CUBN: variants seen among roughly 807,000 people sequenced by gnomAD.
CUBN encodes cubilin.
A neutral mutation model predicts 405.3 loss-of-function variants in CUBN; 282 were observed. That is an observed-to-expected ratio of 0.70 (90% confidence interval 0.63 to 0.77). CUBN has a LOEUF of 0.77. Among genes scored for constraint, CUBN ranks in the 30% least tolerant of loss-of-function variants. The probability of loss-of-function intolerance (pLI) is 0.00; values close to 1 mark genes in which losing one functional copy is unlikely to be tolerated. For missense variants in CUBN, 4,514 were observed against 4,475.2 expected, an observed-to-expected ratio of 1.01 and a Z score of -0.25; for synonymous variants, 1,684 against 1,617.0, an observed-to-expected ratio of 1.04 and a Z score of -0.99.
intron 27 of CUBN, among the ~76,000 whole-genome samples, chr10:17,030,222 G>A (rs1040772266): frequency 6.6e-6 from 1 of 152,106 alleles, no homozygotes; most frequent in African/African-American, 2.4e-5. Context: ...TACAATGTAA[G>A]ACTAATGGAA....
Position 17,129,172 on chromosome 10 carries a change from G to A in CUBN, c.201C>T (p.Ser67=), listed in dbSNP as rs1224760742. Residue 67 remains serine (S), a synonymous_variant, in exon 2 of 67, where the codon TCC becomes TCT. Coordinates refer to ENST00000377833, the MANE Select transcript of CUBN (RefSeq NM_001081.4). ...CATCATTTAATTTAATTTTTCCCAG[G>A]GATCCGGTTCTAAACTCAATGTTTT... The part of the protein sequence containing the change: ...SAQNIEFRTG[S]LGKIKLNDED... The A allele has an allele frequency of 6.8e-6, 11 of 1,613,220 alleles. No individual in the cohort carries two copies. Among genetic ancestry groups the A allele is most frequent in the African/African-American group, 1.3e-5 (1 of 74,916 alleles).
intron 37 of CUBN, among the ~76,000 whole-genome samples, 165 bp downstream of exon 37, chr10:16,939,867 T>C (rs1048139304): frequency 1.3e-5 from 2 of 152,222 alleles, no homozygotes; most frequent in African/African-American, 2.4e-5. Flanking sequence ...GCCATTCATA[T>C]GCAATTCAGT....
chr10:17,092,992 G>A (rs1216997577), intron 14 of CUBN, among the ~76,000 whole-genome samples: 1 of 152,114 alleles, frequency 6.6e-6, no homozygotes, highest in African/African-American at 2.4e-5. Context: ...CAGGCATTGA[G>A]AACAAACAGC....
At chr10:16,944,115 A>G (rs1367164158) in intron 36 of CUBN, among the ~76,000 whole-genome samples, 1 of 152,220 alleles carries the variant, frequency 6.6e-6, no homozygotes, top group African/African-American at 2.4e-5. Flanking sequence ...AGCACTCTGC[A>G]AGTATAAAAT....
chr10:16,954,990 G>C (rs568171839), intron 31 of CUBN, among the ~76,000 whole-genome samples: 1 of 152,180 alleles, frequency 6.6e-6, no homozygotes. Context: ...CATAAGTTTC[G>C]TGATAGGGTA....
rs1262008928 is a variant in CUBN at position 17,038,809 on chromosome 10, G to T, written c.4017+2224C>A. Among the ~76,000 whole-genome samples the T allele has an allele frequency of 2.0e-5, 3 of 152,206 alleles. No individual in the cohort carries two copies. The East Asian group carries it at 5.8e-4, about 29-fold the overall frequency. ...GATGGAAAACAATCTCCTCCCTCTG[G>T]CAACAGCGCCGTTTTTTTGGAAGGC... On this transcript the variant is annotated intron_variant, in intron 27 of 66. Transcript: ENST00000377833.
chr10:16,937,459 A>T, intron 39 of CUBN, 133 bp downstream of exon 39: 1 of 722,902 alleles, frequency 1.4e-6, no homozygotes, highest in Non-Finnish European at 2.4e-6. Flanking sequence ...TTAAAACAAC[A>T]TCTGAACATA....
intron 27 of CUBN, among the ~76,000 whole-genome samples, chr10:17,020,444 A>G (rs1834461172): frequency 6.6e-6 from 1 of 152,252 alleles, no homozygotes; most frequent in South Asian, 2.1e-4. Flanking sequence ...TGCAATGTAT[A>G]ATAATCACAT....
chr10:17,109,235 C>T (rs1836710894), intron 10 of CUBN, among the ~76,000 whole-genome samples: 1 of 152,108 alleles, frequency 6.6e-6, no homozygotes, highest in African/African-American at 2.4e-5. Flanking sequence ...TTCTGAACTC[C>T]TTATTTCAGC....
At chr10:16,942,688 A>G (rs1397156109) in intron 36 of CUBN, among the ~76,000 whole-genome samples, 1 of 152,194 alleles carries the variant, frequency 6.6e-6, no homozygotes. Context: ...AAAGTTAAAC[A>G]TAGTATTATC....
In CUBN at chr10:17,084,387, T is replaced by G. The variant is rs1195459208; in HGVS notation, c.2185A>C (p.Thr729Pro). ...ATATAGACGCATTGCCTGGTGTGAG[T>G]GAAAGGCCCAGACAACTCAGGCAAG... ...LFLPELSGPF[T>P]HTRQCVYMMK... The change falls in exon 17 of 67, where the codon ACT (threonine) becomes CCT (proline). Residue 729 changes from threonine to proline, a missense_variant. This residue lies in a region of CUBN where 1,448 missense variants were observed against 1,388.0 expected (regional missense o/e 1.04). Transcript: ENST00000377833. 1.2e-6 allele frequency: 2 copies of G among 1,614,076 alleles called. No individual in the cohort carries two copies.
At chr10:16,910,898 G>A (rs1019710298) in intron 48 of CUBN, among the ~76,000 whole-genome samples, 3 of 151,986 alleles carry the variant, frequency 2.0e-5, no homozygotes, top group African/African-American at 4.8e-5. Context: ...TTGGGGAGCC[G>A]CAAGAGGGTA....
rs189297782 is a variant in CUBN, at chr10:16,884,048, T to C, written c.8905+4369A>G. On this transcript the variant is annotated intron_variant, in intron 56 of 66. Coordinates refer to ENST00000377833, the MANE Select transcript of CUBN (RefSeq NM_001081.4). ...AGGCTGGAGGGCAGTAGCGCAATCT[T>C]GGCTCACTGCAAGCTCCGCCTCCCG... is the stretch of plus-strand genomic sequence containing the variant. 1.8e-4 allele frequency among the ~76,000 whole-genome samples: 28 copies of C among 152,304 alleles called. No individual in the cohort carries two copies. The East Asian group carries it at 5.4e-3, about 29-fold the overall frequency.
At chr10:16,954,310 A>G (rs996784160) in intron 32 of CUBN, 79 bp downstream of exon 32, 209 of 1,500,170 alleles carry the variant, frequency 1.4e-4, no homozygotes, top group Non-Finnish European at 1.8e-4. Flanking sequence ...ATTTCTGAGC[A>G]CAGGTCTCAT....
chr10:16,884,078 C>A (rs12260328), intron 56 of CUBN, among the ~76,000 whole-genome samples: 8,558 of 152,206 alleles, frequency 0.056, 725 homozygotes, highest in African/African-American at 0.19. Flanking sequence ...CTCCCGGGTT[C>A]ACGCCATTCT....
chr10:17,103,022 G>T, intron 13 of CUBN, 103 bp downstream of exon 13: 1 of 779,368 alleles, frequency 1.3e-6, no homozygotes, highest in Non-Finnish European at 2.2e-6. Context: ...ATATATGATA[G>T]TTGAATTATC....
intron 59 of CUBN, among the ~76,000 whole-genome samples, chr10:16,868,033 T>C (rs73592315): frequency 0.033 from 5,095 of 152,222 alleles, 257 homozygotes; most frequent in African/African-American, 0.12. Context: ...CAAGAATATA[T>C]CCCTTTTTTG....
Position 16,952,370 on chromosome 10 carries a change from G to A in CUBN, c.4875C>T (p.Leu1625=), listed in dbSNP as rs575272644. Residue 1625 remains leucine (L), a synonymous_variant, in exon 33 of 67, where the codon CTC becomes CTT. Coordinates refer to ENST00000377833, the MANE Select transcript of CUBN (RefSeq NM_001081.4). Reference sequence around the variant, plus strand: ...AGGAAACAGTATCAAATGAGCTGGTGAGGATGTGGCCTCCGCAGGCTGGGG... The same window carrying A: ...AGGAAACAGTATCAAATGAGCTGGTAAGGATGTGGCCTCCGCAGGCTGGGG... ...QFRQACGGHI[L]TSSFDTVSSP... 2.5e-6 allele frequency: 4 copies of A among 1,613,226 alleles called. No homozygotes were observed. Among genetic ancestry groups the A allele is most frequent in the South Asian group, 2.2e-5 (2 of 91,048 alleles).
intron 6 of CUBN, among the ~76,000 whole-genome samples, chr10:17,119,693 A>C (rs1836991029): frequency 6.6e-6 from 1 of 152,130 alleles, no homozygotes; most frequent in Admixed American, 6.6e-5. Flanking sequence ...GTGAGCAGGG[A>C]AACAACAAGA....
Sources: gnomAD v4.1 joint callset for allele counts (sites outside exome capture counted in the v4.1 genomes callset) on GRCh38, gnomAD v4.1.1 for gene constraint, gnomAD v4.1.1 regional missense constraint, MANE v1.5 for transcripts, NCBI Gene and HGNC (gene_info 2026-07-23, HGNC 2026-07-21) for gene names.